ITK: variants seen among roughly 807,000 people sequenced by gnomAD.
ITK encodes the protein IL2 inducible T cell kinase.
Under a neutral mutation model 87.6 loss-of-function variants are expected in ITK, and 45 were observed. The ratio of observed to expected loss-of-function variants is 0.51; its 90% CI spans 0.40 to 0.66. The LOEUF is 0.66. Ranked by LOEUF, ITK falls within the 30% of genes least tolerant of loss-of-function variation. The pLI is 0.00. For missense variants in ITK, 605 were observed against 766.3 expected (o/e 0.79, Z 2.48); for synonymous variants, 303 against 273.6 (o/e 1.11, Z -1.06).
chr5:157,223,153 G>A (rs1004157388), intron 6 of ITK, 139 bp downstream of exon 6: 3 of 1,091,908 alleles, frequency 2.7e-6, no homozygotes, highest in Non-Finnish European at 4.2e-6. Flanking sequence ...GAAGGAAGAG[G>A]GAGGAAGAGG....
chr5:157,188,321 T>C (rs969433503), intron 1 of ITK, among the ~76,000 whole-genome samples: 1 of 152,138 alleles, frequency 6.6e-6, no homozygotes, highest in African/African-American at 2.4e-5. Flanking sequence ...CCATGGCTAT[T>C]TAGGGTATTT....
At chr5:157,248,778 T>A in intron 15 of ITK, 72 bp from the exon 16 acceptor site, 1 of 1,556,950 alleles carries the variant, frequency 6.4e-7, no homozygotes, top group African/African-American at 1.4e-5. Flanking sequence ...CTGTAATTTC[T>A]AGAGGCAGGT....
intron 1 of ITK, among the ~76,000 whole-genome samples, chr5:157,187,407 G>T (rs1753666237): frequency 6.6e-6 from 1 of 152,200 alleles, no homozygotes; most frequent in African/African-American, 2.4e-5. Context: ...AAAGAAAGGA[G>T]GGAGTAAGGA....
intron 9 of ITK, among the ~76,000 whole-genome samples, chr5:157,239,343 C>T (rs1754840262): frequency 6.6e-6 from 1 of 152,168 alleles, no homozygotes; most frequent in Non-Finnish European, 1.5e-5. Context: ...ACAGGACGTG[C>T]TTAATTCCGC....
chr5:157,214,105 G>A, intron 3 of ITK, 86 bp from the exon 4 acceptor site: 2 of 1,057,164 alleles, frequency 1.9e-6, no homozygotes, highest in South Asian at 2.5e-5. Flanking sequence ...CACTCAGCCA[G>A]GTCTAATCTC....
Position 157,228,318 on chromosome 5 carries a change from A to C in ITK, c.670A>C (p.Ser224Arg). Residue 224 changes from serine to arginine, a missense_variant, in exon 7 of 17, where the codon AGT becomes CGT. Transcript: ENST00000422843. ...CAGGCATGAAGGATATGTACCAAGCAGTTATCTGGTGGAAAAATCTCCAAA... is the reference window on the plus strand; with the variant it reads ...CAGGCATGAAGGATATGTACCAAGCCGTTATCTGGTGGAAAAATCTCCAAA... ...RNGHEGYVPS[S>R]YLVEKSPNNL... 6.2e-7 allele frequency: 1 copy of C among 1,605,690 alleles called. No individual in the cohort carries two copies. The highest frequency in any genetic ancestry group is 8.5e-7 in the Non-Finnish European group (1 of 1,172,432).
At chr5:157,223,278 C>G (rs915537599) in intron 6 of ITK, among the ~76,000 whole-genome samples, 1 of 152,132 alleles carries the variant, frequency 6.6e-6, no homozygotes, top group Non-Finnish European at 1.5e-5. Context: ...ATCTAAAAAA[C>G]CCCCTGGATT....
intron 16 of ITK, among the ~76,000 whole-genome samples, chr5:157,250,422 T>A (rs918763039): frequency 1.3e-5 from 2 of 152,184 alleles, no homozygotes; most frequent in Non-Finnish European, 2.9e-5. Context: ...CCAAATAATA[T>A]TCCATTGTAT....
intron 11 of ITK, 42 bp from the exon 12 acceptor site, chr5:157,243,581 T>A: frequency 6.4e-7 from 1 of 1,557,848 alleles, no homozygotes; most frequent in Middle Eastern, 2.3e-4. Flanking sequence ...ACCTTATATC[T>A]ACTGCTTGCT....
intron 3 of ITK, among the ~76,000 whole-genome samples, chr5:157,212,905 C>T (rs1754219462): frequency 6.6e-6 from 1 of 151,920 alleles, no homozygotes; most frequent in African/African-American, 2.4e-5. Flanking sequence ...GGTCATTGGC[C>T]ATTTGCCCTC....
Position 157,253,906 on chromosome 5 carries a change from G to A in ITK, c.*1228G>A, listed in dbSNP as rs2113780543. The A allele has an allele frequency of 4.5e-6, 1 of 222,926 alleles. No homozygotes were observed. Among genetic ancestry groups the A allele is most frequent in the South Asian group, 1.8e-4 (1 of 5,454 alleles). 13.8% of individuals were successfully genotyped at this position (222,926 alleles called of 1,614,324 possible). A position where few individuals can be genotyped will look rare whatever the true frequency, so the allele number is the denominator to read the frequency against. On this transcript the variant is annotated 3_prime_UTR_variant, in exon 17 of 17. Coordinates refer to ENST00000422843, the MANE Select transcript of ITK (RefSeq NM_005546.4). The stretch of plus-strand genomic sequence containing the variant: ...AAGGTGAATATGTACTGAGCTAGGA[G>A]ACTTCCCTGCAAAATCTCTGTTCAC...
chr5:157,222,826 T>A lies in ITK; in HGVS notation c.496-37T>A, dbSNP rs201865675. 2,420 of 1,613,192 alleles carry A rather than the reference T, an allele frequency of 1.5e-3. 12 individuals are homozygous for A. The highest frequency in any genetic ancestry group is 1.3e-3 in the Non-Finnish European group (1,538 of 1,179,282). ...AAAGGAGGCATTTTACCTCCTTTTT[T>A]ATGTCTTTGCTTGGTTTTGTTGTCT... On this transcript the variant is annotated intron_variant, in intron 5 of 16. Coordinates refer to ENST00000422843, the MANE Select transcript of ITK (RefSeq NM_005546.4).
chr5:157,203,227 T>A (rs1317996108), intron 1 of ITK, among the ~76,000 whole-genome samples: 1 of 152,272 alleles, frequency 6.6e-6, no homozygotes, highest in African/African-American at 2.4e-5. Flanking sequence ...TCTATCATGT[T>A]CATCAGTTCA....
Position 157,243,648 on chromosome 5 carries a change from G to A in ITK, c.1086G>A (p.Glu362=). The A allele has an allele frequency of 1.2e-6, 2 of 1,613,014 alleles. No homozygotes were observed. The highest frequency in any genetic ancestry group is 1.7e-6 in the Non-Finnish European group (2 of 1,179,986). The change falls in exon 12 of 17, where the codon GAG becomes GAA. Residue 362 remains glutamate (E), a synonymous_variant. Coordinates refer to ENST00000422843, the MANE Select transcript of ITK (RefSeq NM_005546.4). ...GGAAATGGGTGATCGACCCCTCAGA[G>A]CTCACTTTTGTGCAAGAGATTGGCA... ...RYGKWVIDPS[E]LTFVQEIGSG... is the part of the protein sequence containing the mutation.
intron 1 of ITK, among the ~76,000 whole-genome samples, chr5:157,207,349 A>G (rs1754099658): frequency 7.4e-6 from 1 of 135,316 alleles, no homozygotes; most frequent in Non-Finnish European, 1.6e-5. Flanking sequence ...CCCCAAAATA[A>G]TGCTTTATCA....
chr5:157,253,147 C>CT lies in ITK; in HGVS notation c.*474dup. Reference sequence around the variant, plus strand: ...GGCAAGGGGAACAAAGAGCATGAGTCTTTTTCCAAGAAAACTGGTGAGTTA... The same window carrying CT: ...GGCAAGGGGAACAAAGAGCATGAGTCTTTTTTCCAAGAAAACTGGTGAGTTA... On this transcript the variant is annotated 3_prime_UTR_variant, in exon 17 of 17. Coordinates refer to ENST00000422843, the MANE Select transcript of ITK (RefSeq NM_005546.4). 1 of 289,978 alleles carries CT rather than the reference C, an allele frequency of 3.4e-6. No individual in the cohort carries two copies. Among genetic ancestry groups the CT allele is most frequent in the East Asian group, 4.8e-5 (1 of 20,668 alleles). 18.0% of individuals were successfully genotyped at this position (289,978 alleles called of 1,614,324 possible).
chr5:157,215,171 C>T (rs934905482), intron 4 of ITK, among the ~76,000 whole-genome samples: 3 of 152,150 alleles, frequency 2.0e-5, no homozygotes, highest in Non-Finnish European at 4.4e-5. Flanking sequence ...CGGGTCACAC[C>T]GCTGGAAGTG....
At position 157,253,044 on chromosome 5, in the gene ITK, A is replaced by G. The variant is rs1169864725; in HGVS notation, c.*366A>G. 7 of 373,374 alleles carry G rather than the reference A, an allele frequency of 1.9e-5. No individual in the cohort carries two copies. Among genetic ancestry groups the G allele is most frequent in the Non-Finnish European group, 2.5e-5 (5 of 197,074 alleles). The allele number at this position is 373,374 out of a possible 1,614,324, so 23.1% of individuals were successfully genotyped here. A position where few individuals can be genotyped will look rare whatever the true frequency, so the allele number is the denominator to read the frequency against. On this transcript the variant is annotated 3_prime_UTR_variant, in exon 17 of 17. Transcript: ENST00000422843. ...GACCCAGATTGCTATTTTTATTGTT[A>G]TTTTTAACATGAATCTAAAGTTTAT... is the stretch of plus-strand genomic sequence containing the variant.
At chr5:157,232,453 A>C in intron 8 of ITK, 59 bp downstream of exon 8, 1 of 1,194,938 alleles carries the variant, frequency 8.4e-7, no homozygotes, top group Non-Finnish European at 1.2e-6. Flanking sequence ...GCACTGTCTC[A>C]TGTCTGGAAT....
Sources: gnomAD v4.1 joint callset for allele counts (sites outside exome capture counted in the v4.1 genomes callset) on GRCh38, gnomAD v4.1.1 for gene constraint, MANE v1.5 for transcripts, NCBI Gene and HGNC (gene_info 2026-07-23, HGNC 2026-07-21) for gene names.